GRM7: variants seen among roughly 807,000 people sequenced by gnomAD.
The protein encoded by GRM7 is metabotropic glutamate receptor 7.
A neutral mutation model predicts 84.5 loss-of-function variants in GRM7; 35 were observed. The ratio of observed to expected loss-of-function variants is 0.41; its 90% CI spans 0.32 to 0.55. The LOEUF is 0.55. Ranked by LOEUF, GRM7 falls within the 20% of genes least tolerant of loss-of-function variation. The probability of loss-of-function intolerance (pLI) is 0.19; values close to 1 mark genes in which losing one functional copy is unlikely to be tolerated. For synonymous variants in GRM7, 487 were observed against 455.1 expected, an observed-to-expected ratio of 1.07 and a Z score of -0.89; for missense variants, 1,003 against 1,194.6, an observed-to-expected ratio of 0.84 and a Z score of 2.36.
intron 7 of GRM7, among the ~76,000 whole-genome samples, chr3:7,526,023 C>G (rs919700795): frequency 1.3e-5 from 2 of 152,040 alleles, no homozygotes; most frequent in Non-Finnish European, 2.9e-5. Flanking sequence ...GTACATGTGT[C>G]TTTTTGATAG....
chr3:7,126,636 T>C (rs1218865075), intron 1 of GRM7, among the ~76,000 whole-genome samples: 1 of 152,224 alleles, frequency 6.6e-6, no homozygotes. Flanking sequence ...CTACCACTCA[T>C]ATTATGGGGA....
intron 1 of GRM7, among the ~76,000 whole-genome samples, chr3:6,953,367 C>T (rs1030392157): frequency 2.6e-5 from 4 of 152,164 alleles, no homozygotes; most frequent in African/African-American, 9.7e-5. Flanking sequence ...GCAACTGTTG[C>T]CCTGACAAGC....
At chr3:7,380,310 T>G (rs1694533968) in intron 4 of GRM7, among the ~76,000 whole-genome samples, 1 of 152,198 alleles carries the variant, frequency 6.6e-6, no homozygotes, top group Non-Finnish European at 1.5e-5. Context: ...GAGATTAATT[T>G]AGAACAATAA....
At chr3:7,509,525 T>G (rs944357854) in intron 7 of GRM7, among the ~76,000 whole-genome samples, 6 of 152,176 alleles carry the variant, frequency 3.9e-5, no homozygotes, top group Non-Finnish European at 2.9e-5. Context: ...TCTGCAGATA[T>G]ATGTATCCCC....
At chr3:7,064,684 T>C (rs1378962848) in intron 1 of GRM7, among the ~76,000 whole-genome samples, 1 of 151,252 alleles carries the variant, frequency 6.6e-6, no homozygotes, top group Non-Finnish European at 1.5e-5. Context: ...TTTCGAATAG[T>C]GTCTTCTTTT....
At chr3:7,262,262 A>T (rs1698458887) in intron 2 of GRM7, among the ~76,000 whole-genome samples, 2 of 152,042 alleles carry the variant, frequency 1.3e-5, no homozygotes, top group African/African-American at 4.8e-5. Context: ...TAATTACATA[A>T]TCCCACATTT....
At chr3:7,704,982 G>A (rs555219626) in intron 9 of GRM7, among the ~76,000 whole-genome samples, 12 of 152,222 alleles carry the variant, frequency 7.9e-5, no homozygotes, top group African/African-American at 2.4e-4. Flanking sequence ...TTCTCTGTTC[G>A]AGAAGCCTTC....
intron 1 of GRM7, among the ~76,000 whole-genome samples, chr3:6,932,472 G>A (rs1486212764): frequency 6.6e-6 from 1 of 152,092 alleles, no homozygotes; most frequent in South Asian, 2.1e-4. Context: ...TGTAGTTATA[G>A]TGAAATAATT....
chr3:7,002,425 A>G (rs1695044828), intron 1 of GRM7, among the ~76,000 whole-genome samples: 1 of 152,196 alleles, frequency 6.6e-6, no homozygotes, highest in Admixed American at 6.6e-5. Flanking sequence ...ATTTTCAAAA[A>G]TGCTTATTAC....
intron 1 of GRM7, among the ~76,000 whole-genome samples, chr3:6,952,661 A>T (rs561132072): frequency 2.0e-5 from 3 of 152,254 alleles, no homozygotes; most frequent in African/African-American, 7.2e-5. Flanking sequence ...ATCCTTAATG[A>T]TCTAATTTCT....
chr3:7,080,502 G>T (rs1559425885), intron 1 of GRM7, among the ~76,000 whole-genome samples: 1 of 151,940 alleles, frequency 6.6e-6, no homozygotes, highest in Non-Finnish European at 1.5e-5. Context: ...TTTCTTATAT[G>T]TTTCATAGTC....
intron 2 of GRM7, among the ~76,000 whole-genome samples, chr3:7,164,802 C>A (rs1694747015): frequency 6.6e-6 from 1 of 152,186 alleles, no homozygotes; most frequent in South Asian, 2.1e-4. Context: ...TGAATAAATT[C>A]AAGCATTTCT....
intron 8 of GRM7, among the ~76,000 whole-genome samples, chr3:7,587,621 A>G (rs1695579333): frequency 6.6e-6 from 1 of 152,178 alleles, no homozygotes; most frequent in Admixed American, 6.5e-5. Context: ...TCAATGGTTT[A>G]TAGGATAGTG....
intron 7 of GRM7, among the ~76,000 whole-genome samples, chr3:7,464,196 C>T (rs1698367808): frequency 6.6e-6 from 1 of 152,074 alleles, no homozygotes; most frequent in African/African-American, 2.4e-5. Context: ...CTTTGAGAAC[C>T]ACTGGCTCAG....
chr3:7,529,630 T>G (rs1012305555), intron 7 of GRM7, among the ~76,000 whole-genome samples: 1 of 152,144 alleles, frequency 6.6e-6, no homozygotes, highest in Non-Finnish European at 1.5e-5. Context: ...TCCTAGCCCG[T>G]TGCCTGTATG....
rs771456305 is a variant in GRM7 at position 7,040,014 on chromosome 3, G to A, written c.520-106438G>A. Among the ~76,000 whole-genome samples, 7 of 152,140 alleles carry A rather than the reference G, an allele frequency of 4.6e-5. No individual in the cohort carries two copies. In the South Asian group the frequency reaches 1.5e-3, roughly 32 times the overall value. ...CTTGGCAATTATCTGTTGGACAAAT[G>A]GCCAGTATTTTTCTCATTAGTTAGG... On this transcript the variant is annotated intron_variant, in intron 1 of 9. Coordinates refer to ENST00000357716, the MANE Select transcript of GRM7 (RefSeq NM_000844.4).
At chr3:7,330,905 G>T (rs1219640992) in intron 4 of GRM7, among the ~76,000 whole-genome samples, 3 of 152,016 alleles carry the variant, frequency 2.0e-5, no homozygotes, top group Non-Finnish European at 2.9e-5. Context: ...ATTTTCATAG[G>T]GCTGATTTAT....
chr3:7,035,084 G>A (rs1696338025), intron 1 of GRM7, among the ~76,000 whole-genome samples: 1 of 152,166 alleles, frequency 6.6e-6, no homozygotes, highest in South Asian at 2.1e-4. Context: ...CTTTGCACTG[G>A]CTACCTCTTT....
chr3:7,081,872 A>G (rs910363556), intron 1 of GRM7, among the ~76,000 whole-genome samples: 5 of 152,116 alleles, frequency 3.3e-5, no homozygotes, highest in Non-Finnish European at 7.4e-5. Context: ...ATTCAGAAAA[A>G]GTTCCTAATT....
Sources: gnomAD v4.1 joint callset for allele counts (sites outside exome capture counted in the v4.1 genomes callset) on GRCh38, gnomAD v4.1.1 for gene constraint, MANE v1.5 for transcripts, NCBI Gene and HGNC (gene_info 2026-07-23, HGNC 2026-07-21) for gene names.